Variants in DAB1 observed in about 807,000 individuals in gnomAD.
DAB1 encodes the protein disabled homolog 1.
A neutral mutation model predicts 64.6 loss-of-function variants in DAB1; 15 were observed. That is an observed-to-expected ratio of 0.23 (90% confidence interval 0.16 to 0.36). The LOEUF is 0.36. Ranked by LOEUF, DAB1 falls within the 10% of genes least tolerant of loss-of-function variation. The pLI, the probability that DAB1 is intolerant of heterozygous loss-of-function variation, is 1.00. For synonymous variants in DAB1, 235 were observed against 251.9 expected (o/e 0.93, Z 0.64); for missense variants, 596 against 706.7 (o/e 0.84, Z 1.78).
At chr1:57,179,725 TA>T (rs1662709843) in intron 2 of DAB1, among the ~76,000 whole-genome samples, 1 of 152,098 alleles carries the variant, frequency 6.6e-6, no homozygotes, top group Non-Finnish European at 1.5e-5. Flanking sequence ...ATTCTTTTTT[TA>T]AAAAAATACA....
At chr1:58,504,959 T>TC (rs1491249863) in intron 3 of DAB1, among the ~76,000 whole-genome samples, 2 of 152,168 alleles carry the variant, frequency 1.3e-5, no homozygotes, top group African/African-American at 4.8e-5. Flanking sequence ...GAAAGATACT[T>TC]CTTTTTTTTT....
At chr1:57,948,746 A>T (rs1645221382) in intron 5 of DAB1, among the ~76,000 whole-genome samples, 1 of 152,142 alleles carries the variant, frequency 6.6e-6, no homozygotes, top group Non-Finnish European at 1.5e-5. Flanking sequence ...TTGACTGGGT[A>T]TTAGAACAAT....
chr1:57,128,692 G>C (rs1657373455), intron 4 of DAB1, among the ~76,000 whole-genome samples: 1 of 152,094 alleles, frequency 6.6e-6, no homozygotes. Flanking sequence ...TTGAGGCTCT[G>C]GATCTTTGAG....
chr1:58,084,381 A>G (rs1183470586), intron 5 of DAB1: 3 of 153,060 alleles, frequency 2.0e-5, no homozygotes, highest in African/African-American at 7.3e-5. Flanking sequence ...GGGCACCGTC[A>G]TCTCCTTTCT....
chr1:57,282,082 C>A (rs185213158), intron 2 of DAB1, among the ~76,000 whole-genome samples: 1 of 148,406 alleles, frequency 6.7e-6, no homozygotes, highest in South Asian at 2.2e-4. Flanking sequence ...ACTCAGGAGG[C>A]TAAGGCAGGA....
At position 57,160,474 on chromosome 1, in the gene DAB1, G is replaced by C. The variant is rs534753302; in HGVS notation, c.68-15045C>G. Among the ~76,000 whole-genome samples the C allele has an allele frequency of 3.9e-5, 6 of 152,300 alleles. No individual in the cohort carries two copies. In the East Asian group the frequency reaches 1.2e-3, roughly 29 times the overall value. ...AAGAGAATCCAAAGCTTGAGGCTGG[G>C]TAAGAAATAGGACTGCATGAGACAG... On this transcript the variant is annotated intron_variant, in intron 2 of 14. Coordinates refer to ENST00000371236, the MANE Select transcript of DAB1 (RefSeq NM_001365792.1).
intron 4 of DAB1, among the ~76,000 whole-genome samples, chr1:57,094,598 C>A (rs1398629535): frequency 6.6e-6 from 1 of 152,172 alleles, no homozygotes; most frequent in Non-Finnish European, 1.5e-5. Context: ...ACATTCACTT[C>A]CTTAGGATGG....
At chr1:57,601,572 G>A (rs531690017) in intron 7 of DAB1, among the ~76,000 whole-genome samples, 1 of 151,974 alleles carries the variant, frequency 6.6e-6, no homozygotes, top group Non-Finnish European at 1.5e-5. Flanking sequence ...CAGCCTGGGC[G>A]ACAGAGCAAG....
intron 5 of DAB1, among the ~76,000 whole-genome samples, chr1:58,139,894 G>C (rs938160787): frequency 6.6e-6 from 1 of 152,118 alleles, no homozygotes; most frequent in Admixed American, 6.5e-5. Context: ...GGCCACAGGA[G>C]GTGCTCAATA....
At chr1:57,725,749 T>C (rs1052824023) in intron 6 of DAB1, among the ~76,000 whole-genome samples, 2 of 150,488 alleles carry the variant, frequency 1.3e-5, no homozygotes, top group Non-Finnish European at 2.9e-5. Context: ...TTAACTGTTC[T>C]TTTCTTTTCT....
intron 4 of DAB1, among the ~76,000 whole-genome samples, chr1:57,134,119 G>A (rs1385267690): frequency 6.6e-6 from 1 of 152,070 alleles, no homozygotes; most frequent in Non-Finnish European, 1.5e-5. Context: ...TACCCCCAGC[G>A]ACGGTGAACT....
chr1:58,039,621 T>C (rs571905640), intron 5 of DAB1, among the ~76,000 whole-genome samples: 3 of 152,160 alleles, frequency 2.0e-5, no homozygotes, highest in African/African-American at 7.2e-5. Context: ...CCACATTCTT[T>C]TTCAGCCTAC....
intron 7 of DAB1, among the ~76,000 whole-genome samples, chr1:57,587,935 C>A (rs551912764): frequency 6.6e-6 from 1 of 152,284 alleles, no homozygotes; most frequent in African/African-American, 2.4e-5. Context: ...GTTTTTGGAC[C>A]TACACTTTCA....
intron 3 of DAB1, among the ~76,000 whole-genome samples, chr1:58,409,622 T>A (rs1292106368): frequency 6.6e-6 from 1 of 152,246 alleles, no homozygotes; most frequent in Non-Finnish European, 1.5e-5. Flanking sequence ...CGTTTCTGGA[T>A]GTAACATCTC....
At chr1:57,741,413 A>G (rs1011272284) in intron 6 of DAB1, among the ~76,000 whole-genome samples, 1 of 152,252 alleles carries the variant, frequency 6.6e-6, no homozygotes, top group African/African-American at 2.4e-5. Context: ...ATTGAGGCTT[A>G]GAAACCTTGG....
At chr1:57,146,410 C>T (rs965682895) in intron 2 of DAB1, among the ~76,000 whole-genome samples, 4 of 152,302 alleles carry the variant, frequency 2.6e-5, no homozygotes, top group Admixed American at 2.6e-4. Context: ...TATTCATCTC[C>T]TATAATATCC....
chr1:57,400,483 C>T (rs1440385697), intron 1 of DAB1, among the ~76,000 whole-genome samples: 1 of 151,472 alleles, frequency 6.6e-6, no homozygotes, highest in Admixed American at 6.6e-5. Flanking sequence ...TCCACTAATA[C>T]AACCATGGTG....
chr1:57,917,465 A>C (rs1042209646), intron 5 of DAB1, among the ~76,000 whole-genome samples: 1 of 152,244 alleles, frequency 6.6e-6, no homozygotes, highest in Non-Finnish European at 1.5e-5. Flanking sequence ...TGAGAGAACC[A>C]TGCAAAGGGC....
intron 7 of DAB1, among the ~76,000 whole-genome samples, chr1:57,455,540 T>G (rs1157124578): frequency 1.3e-5 from 2 of 151,974 alleles, no homozygotes; most frequent in Non-Finnish European, 2.9e-5. Context: ...AAAACCACAG[T>G]GTGGGGAGTG....
Sources: gnomAD v4.1 joint callset for allele counts (sites outside exome capture counted in the v4.1 genomes callset) on GRCh38, gnomAD v4.1.1 for gene constraint, MANE v1.5 for transcripts, NCBI Gene and HGNC (gene_info 2026-07-23, HGNC 2026-07-21) for gene names.